GNL3L: variants seen among roughly 807,000 people sequenced by gnomAD.
GNL3L encodes the protein guanine nucleotide-binding protein-like 3-like protein.
GNL3L carries 4 observed loss-of-function variants against 42.9 expected under a neutral mutation model. That is an observed-to-expected ratio of 0.09 (90% CI 0.05 to 0.21). GNL3L has a LOEUF of 0.21. Ranked by LOEUF, GNL3L falls within the 10% of genes least tolerant of loss-of-function variation. The pLI, the probability that GNL3L is intolerant of heterozygous loss-of-function variation, is 1.00. For missense variants in GNL3L, 412 were observed against 481.7 expected, an observed-to-expected ratio of 0.86 and a Z score of 1.36; for synonymous variants, 159 against 176.3, an observed-to-expected ratio of 0.90 and a Z score of 0.78.
chrX:54,550,296 G>T (rs12014815), intron 9 of GNL3L, among the ~76,000 whole-genome samples: 11,401 of 107,800 alleles, frequency 0.11, 1,398 homozygotes, highest in African/African-American at 0.34. Context: ...AGAGAGGGAG[G>T]GGGGAGAGAG....
chrX:54,630,581 T>G, the GNL3L span, among the ~76,000 whole-genome samples: 3 of 110,055 alleles, frequency 2.7e-5, no homozygotes, highest in Non-Finnish European at 5.7e-5. Flanking sequence ...CTTTTTGGAG[T>G]TGATTTCCAA....
At chrX:54,607,008 CTTTCTTTCTTTCTT>C (rs796361256) in intron 16 of GNL3L, among the ~76,000 whole-genome samples, 377 of 37,310 alleles carry the variant, frequency 0.01, 14 homozygotes, top group Admixed American at 0.046. Context: ...TTCTTTCTTT[CTTTCTTTCTTTCTT>C]TCTTTCTTTC....
At chrX:54,630,741 T>TTTCC in the GNL3L span, among the ~76,000 whole-genome samples, 3 of 39,623 alleles carry the variant, frequency 7.6e-5, no homozygotes, top group Admixed American at 7.7e-4. Flanking sequence ...TCTTTCTTTC[T>TTTCC]CTTTCTTTCC....
At chrX:54,632,988 T>G in the GNL3L span, among the ~76,000 whole-genome samples, 2 of 111,509 alleles carry the variant, frequency 1.8e-5, no homozygotes, top group African/African-American at 6.5e-5. Context: ...CCACTTCTCC[T>G]AAGGACGGGG....
At chrX:54,586,563 G>A (rs1331646761) in intron 16 of GNL3L, among the ~76,000 whole-genome samples, 1 of 111,959 alleles carries the variant, frequency 8.9e-6, no homozygotes, top group East Asian at 2.8e-4. Flanking sequence ...GCAAACTGCT[G>A]TGGGCCAAGA....
At chrX:54,581,557 C>A (rs188447975) in intron 16 of GNL3L, among the ~76,000 whole-genome samples, 1 of 112,414 alleles carries the variant, frequency 8.9e-6, no homozygotes, top group African/African-American at 3.2e-5. Flanking sequence ...TTATAGCCAC[C>A]CACTTCTTTG....
rs2147478871 is a variant in GNL3L, at chrX:54,543,222, G to A, written c.406G>A (p.Asp136Asn). Residue 136 changes from aspartate to asparagine, a missense_variant, in exon 7 of 16, where the codon GAT becomes AAT. By Grantham distance (23) the Asp-to-Asn change is conservative (BLOSUM62 1). Coordinates refer to ENST00000360845, the MANE Select transcript of GNL3L (RefSeq NM_001184819.2). ...KEFRKVVEYS[D>N]VILEVLDARD... ...TGCCCTGCAGGTGGTGGAATACTCT[G>A]ATGTGATTCTGGAAGTCCTGGATGC... 1 of 1,208,148 alleles carries A rather than the reference G, an allele frequency of 8.3e-7. No individual in the cohort carries two copies. The highest frequency in any genetic ancestry group is 3.0e-5 in the East Asian group (1 of 33,716).
At position 54,560,652 on chromosome X, in the gene GNL3L, G is replaced by C. The variant is rs772693069; in HGVS notation, c.*50G>C. On this transcript the variant is annotated 3_prime_UTR_variant, in exon 16 of 16. Coordinates refer to ENST00000360845, the MANE Select transcript of GNL3L (RefSeq NM_001184819.2). ...CTCCAAGCACCAGTTCCGGTGGTAC[G>C]GGGGAATACCAGTGAAATAGTTTGG... 2.8e-6 allele frequency: 2 copies of C among 720,798 alleles called. No individual in the cohort carries two copies. The highest frequency in any genetic ancestry group is 4.4e-6 in the Non-Finnish European group (2 of 451,431). The allele number at this position is 720,798 out of a possible 1,213,427, so 59.4% of individuals were successfully genotyped here. A position where few individuals can be genotyped will look rare whatever the true frequency, so the allele number is the denominator to read the frequency against.
chrX:54,571,138 T>C (rs1240808320), downstream of GNL3L, among the ~76,000 whole-genome samples: 1 of 110,894 alleles, frequency 9.0e-6, no homozygotes, highest in Non-Finnish European at 1.9e-5. Context: ...TTTCAGTACC[T>C]CAAAAGCATT....
intron 16 of GNL3L, among the ~76,000 whole-genome samples, chrX:54,579,130 T>A (rs1459355784): frequency 1.8e-5 from 2 of 112,091 alleles, no homozygotes; most frequent in Non-Finnish European, 3.8e-5. Context: ...TTTTGTCCTA[T>A]ATGTGATTTG....
At chrX:54,612,544 G>A (rs1382850587) in intron 16 of GNL3L, among the ~76,000 whole-genome samples, 1 of 111,601 alleles carries the variant, frequency 9.0e-6, no homozygotes, top group Non-Finnish European at 1.9e-5. Flanking sequence ...ATGCTTTAAA[G>A]AGGTTCTGTT....
At chrX:54,610,130 T>C (rs1417614063) in intron 16 of GNL3L, among the ~76,000 whole-genome samples, 1 of 111,705 alleles carries the variant, frequency 9.0e-6, no homozygotes, top group Non-Finnish European at 1.9e-5. Flanking sequence ...AGGGGTTAAG[T>C]TCTTGATTTG....
rs1569542612 is a variant in GNL3L, at chrX:54,607,064, CTTTCTTTCTCTTTCTTTCTTCTTTCTT to C, written c.*46-13779_*46-13753del. Among the ~76,000 whole-genome samples the C allele has an allele frequency of 7.4e-3, 310 of 42,069 alleles. 9 individuals carry two copies. Among genetic ancestry groups the C allele is most frequent in the African/African-American group, 0.037 (291 of 7,864 alleles). The allele number at this position is 42,069 out of a possible 115,157, so 36.5% of individuals were successfully genotyped here. On this transcript the variant is annotated intron_variant, in intron 16 of 16. Transcript: ENST00000674498. ...TCTTTCTTTCTTTCTTTCTTTCTTT[CTTTCTTTCTCTTTCTTTCTTCTTTCTT>C]TCTTTCTTTCTTTCTTTCTTTCTTT...
chrX:54,563,344 G>A lies in GNL3L; in HGVS notation c.*2742G>A, dbSNP rs1036169912. Reference sequence around the variant, plus strand: ...AACCCATTGTAATGTGCAAATTACGGGTTTATCAGGAGGTGACCCCATCGG... The same window carrying A: ...AACCCATTGTAATGTGCAAATTACGAGTTTATCAGGAGGTGACCCCATCGG... On this transcript the variant is annotated 3_prime_UTR_variant, in exon 16 of 16. Transcript: ENST00000360845. Among the ~76,000 whole-genome samples the A allele has an allele frequency of 9.0e-6, 1 of 111,530 alleles. No individual in the cohort carries two copies. The highest frequency in any genetic ancestry group is 1.9e-5 in the Non-Finnish European group (1 of 53,194).
At chrX:54,531,693 A>C (rs2147466752) in intron 1 of GNL3L, among the ~76,000 whole-genome samples, 1 of 111,547 alleles carries the variant, frequency 9.0e-6, no homozygotes, top group African/African-American at 3.3e-5. Context: ...ATAGTTGTGG[A>C]ATCAGGCATA....
intron 16 of GNL3L, among the ~76,000 whole-genome samples, chrX:54,615,284 G>A (rs1281575729): frequency 1.8e-5 from 2 of 111,692 alleles, no homozygotes; most frequent in Non-Finnish European, 3.8e-5. Context: ...ATATTTCATT[G>A]TAAGTAAATA....
chrX:54,537,883 A>G (rs750152611), intron 2 of GNL3L, among the ~76,000 whole-genome samples: 1 of 110,978 alleles, frequency 9.0e-6, no homozygotes, highest in East Asian at 2.8e-4. Context: ...AGCTGGGGCT[A>G]CAAGCATGCA....
chrX:54,553,301 G>A (rs1924997873), intron 13 of GNL3L, among the ~76,000 whole-genome samples: 2 of 111,600 alleles, frequency 1.8e-5, no homozygotes, highest in Non-Finnish European at 3.8e-5. Flanking sequence ...TCTCTACACT[G>A]CCTAAGGAAG....
At chrX:54,559,419 G>C (rs1174091358) in intron 15 of GNL3L, among the ~76,000 whole-genome samples, 1 of 111,801 alleles carries the variant, frequency 8.9e-6, no homozygotes, top group African/African-American at 3.3e-5. Flanking sequence ...CCCCTCGTCA[G>C]CCAGTTAGTT....
Sources: allele counts gnomAD v4.1 joint callset (sites outside exome capture counted in the v4.1 genomes callset), GRCh38; gene constraint gnomAD v4.1.1; transcripts MANE v1.5; gene names NCBI Gene and HGNC (gene_info 2026-07-23, HGNC 2026-07-21).